The following AK7 variants were observed in gnomAD, a reference collection of about 807,000 sequenced individuals.
The protein encoded by AK7 is ATP-AMP transphosphorylase 7.
A neutral mutation model predicts 96.6 loss-of-function variants in AK7; 78 were observed. The ratio of observed to expected loss-of-function variants is 0.81; its 90% confidence interval spans 0.67 to 0.97. The LOEUF (loss-of-function observed/expected upper bound fraction) is 0.97. Among genes scored for constraint, AK7 ranks in the 50% least tolerant of loss-of-function variants. The pLI is 0.00. For synonymous variants in AK7, 302 were observed against 317.2 expected, an observed-to-expected ratio of 0.95 and a Z score of 0.51; for missense variants, 855 against 887.9, an observed-to-expected ratio of 0.96 and a Z score of 0.47.
chr14:96,446,796 C>T (rs559753778), intron 8 of AK7, among the ~76,000 whole-genome samples, 189 bp downstream of exon 8: 27 of 152,074 alleles, frequency 1.8e-4, no homozygotes, highest in Admixed American at 5.9e-4. Flanking sequence ...AAAAATTAGC[C>T]GGGCATAATG....
chr14:96,446,425 C>A, intron 7 of AK7, 92 bp from the exon 8 acceptor site: 2 of 1,092,316 alleles, frequency 1.8e-6, no homozygotes, highest in South Asian at 2.6e-5. Context: ...AAACCCCACG[C>A]CCAGCCATGG....
chr14:96,434,422 G>GTCTGTCTCTCTC (rs1292793971), intron 5 of AK7, among the ~76,000 whole-genome samples: 1 of 149,320 alleles, frequency 6.7e-6, no homozygotes, highest in African/African-American at 2.5e-5. Context: ...CTGTCTGTCT[G>GTCTGTCTCTCTC]TCTCTCTCTC....
intron 12 of AK7, among the ~76,000 whole-genome samples, chr14:96,469,919 G>A (rs1335055856): frequency 2.6e-5 from 4 of 152,114 alleles, no homozygotes; most frequent in Non-Finnish European, 5.9e-5. Flanking sequence ...CCGGGTTCAA[G>A]CGATTCTCCT....
In AK7 at chr14:96,419,784, C is replaced by CTTTTTTTTTTTTTTTTT. The variant is rs11449244; in HGVS notation, c.499-1034_499-1033insTTTTTTTTTTTTTTTTT. On this transcript the variant is annotated intron_variant, in intron 4 of 17. Transcript: ENST00000267584. Reference sequence around the variant, plus strand: ...TCTCCTAAAGCATTTTTTTTTCTTTCTTTTCTTTTTTTTTTTTTTTTGAGA... The same window carrying CTTTTTTTTTTTTTTTTT: ...TCTCCTAAAGCATTTTTTTTTCTTTCTTTTTTTTTTTTTTTTTTTTTCTTTTTTTTTTTTTTTTGAGA... Among the ~76,000 whole-genome samples, 11 of 101,694 alleles carry CTTTTTTTTTTTTTTTTT rather than the reference C, an allele frequency of 1.1e-4. 2 individuals are homozygous for CTTTTTTTTTTTTTTTTT. Among genetic ancestry groups the CTTTTTTTTTTTTTTTTT allele is most frequent in the East Asian group, 8.8e-4 (3 of 3,406 alleles). 66.7% of individuals were successfully genotyped at this position (101,694 alleles called of 152,430 possible).
intron 5 of AK7, among the ~76,000 whole-genome samples, chr14:96,423,203 G>A (rs544085717): frequency 2.0e-5 from 3 of 152,334 alleles, no homozygotes; most frequent in African/African-American, 7.2e-5. Context: ...GCAACTGAGA[G>A]GCCCGTGTTG....
chr14:96,428,269 C>T (rs1205253355), intron 5 of AK7, among the ~76,000 whole-genome samples: 2 of 151,454 alleles, frequency 1.3e-5, no homozygotes, highest in Non-Finnish European at 2.9e-5. Flanking sequence ...CAGCTTCATC[C>T]ATGTCCCTAC....
At chr14:96,476,807 C>A (rs1895212580) in intron 14 of AK7, among the ~76,000 whole-genome samples, 1 of 152,148 alleles carries the variant, frequency 6.6e-6, no homozygotes, top group African/African-American at 2.4e-5. Flanking sequence ...ATTTGATTAA[C>A]TGGAATCTTC....
chr14:96,438,006 G>A (rs1892744108), intron 6 of AK7, 91 bp downstream of exon 6: 3 of 1,133,510 alleles, frequency 2.6e-6, no homozygotes, highest in Non-Finnish European at 1.3e-6. Flanking sequence ...TTTGGGTGTG[G>A]TTAGTGCAGT....
At chr14:96,434,252 A>T (rs1892516084) in intron 5 of AK7, among the ~76,000 whole-genome samples, 1 of 152,250 alleles carries the variant, frequency 6.6e-6, no homozygotes, top group Admixed American at 6.5e-5. Flanking sequence ...TCTATGTTGT[A>T]TCTGCTTTAG....
chr14:96,452,972 T>G (rs1362549370), intron 10 of AK7, among the ~76,000 whole-genome samples: 2 of 152,180 alleles, frequency 1.3e-5, no homozygotes, highest in Non-Finnish European at 1.5e-5. Flanking sequence ...AGGTCATACA[T>G]GAGAAAGTGT....
At chr14:96,397,669 C>A (rs1890158064) in intron 1 of AK7, among the ~76,000 whole-genome samples, 1 of 152,090 alleles carries the variant, frequency 6.6e-6, no homozygotes, top group South Asian at 2.1e-4. Flanking sequence ...GCAGGAGGAC[C>A]CCAGGAGTTT....
Position 96,451,414 on chromosome 14 carries a change from CT to C in AK7, c.949-4del. On this transcript the variant is annotated splice_region_variant and splice_polypyrimidine_tract_variant and intron_variant, in intron 9 of 17. Transcript: ENST00000267584. ...AGACAAATCTCTAATTGTCCTCTATCTTTCAGCAAGATTGTCTTGACCATTT... is the reference window on the plus strand; with the variant it reads ...AGACAAATCTCTAATTGTCCTCTATCTTCAGCAAGATTGTCTTGACCATTT... 6.4e-7 allele frequency: 1 copy of C among 1,556,106 alleles called. No individual in the cohort carries two copies. The highest frequency in any genetic ancestry group is 8.7e-7 in the Non-Finnish European group (1 of 1,147,278).
intron 16 of AK7, 30 bp from the exon 17 acceptor site, chr14:96,486,867 AT>A (rs1277503019): frequency 6.2e-7 from 1 of 1,602,260 alleles, no homozygotes. Context: ...CTCACTACAC[AT>A]TTACTTTACC....
At chr14:96,412,082 C>T (rs1891063843) in intron 4 of AK7, among the ~76,000 whole-genome samples, 1 of 152,134 alleles carries the variant, frequency 6.6e-6, no homozygotes, top group Non-Finnish European at 1.5e-5. Flanking sequence ...GAAGGGTTTC[C>T]TCTGCCAGAT....
chr14:96,392,326 G>T (rs1335605841), intron 1 of AK7, 67 bp downstream of exon 1: 3 of 1,439,844 alleles, frequency 2.1e-6, no homozygotes, highest in Admixed American at 1.8e-5. Flanking sequence ...CCCCCGGTCC[G>T]CAAACCCAGC....
chr14:96,421,393 G>A (rs1461475961), intron 5 of AK7: 2 of 152,574 alleles, frequency 1.3e-5, no homozygotes, highest in Non-Finnish European at 2.9e-5. Context: ...TCTCAGCCTT[G>A]ACTCATCTAC....
At chr14:96,463,213 A>G (rs886962588) in intron 12 of AK7, among the ~76,000 whole-genome samples, 1 of 152,166 alleles carries the variant, frequency 6.6e-6, no homozygotes, top group Non-Finnish European at 1.5e-5. Context: ...CAGAACCATG[A>G]CCATGACTCA....
intron 4 of AK7, among the ~76,000 whole-genome samples, chr14:96,411,921 T>G (rs1891053086): frequency 6.6e-6 from 1 of 152,226 alleles, no homozygotes; most frequent in Non-Finnish European, 1.5e-5. Flanking sequence ...GAGATGCCAC[T>G]GGGCGCCAAG....
intron 4 of AK7, among the ~76,000 whole-genome samples, chr14:96,415,762 CATTA>C (rs1165391629): frequency 4.1e-5 from 6 of 144,670 alleles, no homozygotes; most frequent in African/African-American, 1.0e-4. Context: ...TAATTTAATA[CATTA>C]ATTAATTAAA....
Sources: gnomAD v4.1 joint callset for allele counts (sites outside exome capture counted in the v4.1 genomes callset) on GRCh38, gnomAD v4.1.1 for gene constraint, MANE v1.5 for transcripts, NCBI Gene and HGNC (gene_info 2026-07-23, HGNC 2026-07-21) for gene names.